PTK7: variants seen among roughly 807,000 people sequenced by gnomAD.
The protein encoded by PTK7 is inactive tyrosine-protein kinase 7.
A neutral mutation model predicts 116.6 loss-of-function variants in PTK7; 39 were observed. That is an observed-to-expected ratio of 0.33 (90% confidence interval 0.26 to 0.44). The LOEUF (loss-of-function observed/expected upper bound fraction) is 0.44, where lower values mean the gene tolerates loss of function less well. PTK7 is among the 20% of genes least tolerant of loss of function. The pLI is 1.00. For missense variants in PTK7, 1,169 were observed against 1,425.6 expected (o/e 0.82, Z 2.90); for synonymous variants, 546 against 563.6 (o/e 0.97, Z 0.44).
At chr6:43,154,132 C>T (rs1285767022) in intron 17 of PTK7, among the ~76,000 whole-genome samples, 3 of 151,978 alleles carry the variant, frequency 2.0e-5, no homozygotes, top group East Asian at 3.9e-4. Flanking sequence ...CACTGCACTC[C>T]AGCCTGGGTG....
intron 1 of PTK7, among the ~76,000 whole-genome samples, chr6:43,123,732 G>A (rs577977341): frequency 6.6e-6 from 1 of 152,294 alleles, no homozygotes; most frequent in South Asian, 2.1e-4. Context: ...CGGCTTTGTT[G>A]GGGTCGGCGC....
intron 1 of PTK7, among the ~76,000 whole-genome samples, chr6:43,097,707 G>C (rs529896680): frequency 9.2e-5 from 14 of 152,326 alleles, no homozygotes; most frequent in Admixed American, 8.5e-4. Context: ...AATATGCCGA[G>C]ATGGCCAGAT....
At chr6:43,142,599 G>A (rs1174290124) in intron 13 of PTK7, 1 of 471,618 alleles carries the variant, frequency 2.1e-6, no homozygotes, top group Non-Finnish European at 4.0e-6. Flanking sequence ...ATCTCTGGGT[G>A]GCTGGGGAGG....
intron 1 of PTK7, among the ~76,000 whole-genome samples, chr6:43,120,084 G>T (rs1768869902): frequency 6.6e-6 from 1 of 152,146 alleles, no homozygotes; most frequent in Admixed American, 6.6e-5. Context: ...GGCTGATAAA[G>T]CGTTACTAAA....
chr6:43,141,831 AG>A lies in PTK7; in HGVS notation c.1768+17del. 6.2e-7 allele frequency: 1 copy of A among 1,612,078 alleles called. No individual in the cohort carries two copies. Among genetic ancestry groups the A allele is most frequent in the Non-Finnish European group, 8.5e-7 (1 of 1,178,970 alleles). On this transcript the variant is annotated intron_variant, in intron 11 of 19. Coordinates refer to ENST00000230419, the MANE Select transcript of PTK7 (RefSeq NM_002821.5). The surrounding 1 kb of genome is among the most constrained non-coding windows in gnomAD (Gnocchi z 4.9). ...TCACTGTGGCAGGTGCGACCGTGGC[AG>A]GGCCCTGGGGCTGGGAGGGCCCTCT...
At chr6:43,091,241 A>G (rs924203426) in intron 1 of PTK7, among the ~76,000 whole-genome samples, 1 of 150,668 alleles carries the variant, frequency 6.6e-6, no homozygotes. Context: ...GCTCACTGCA[A>G]TCTCTGTCTC....
At chr6:43,094,542 G>A (rs1236521994) in intron 1 of PTK7, among the ~76,000 whole-genome samples, 3 of 150,988 alleles carry the variant, frequency 2.0e-5, no homozygotes, top group African/African-American at 7.3e-5. Flanking sequence ...TCGGCTCACT[G>A]CAAGCTCCGC....
chr6:43,096,552 A>C (rs1377679623), intron 1 of PTK7, among the ~76,000 whole-genome samples: 2 of 152,212 alleles, frequency 1.3e-5, no homozygotes, highest in Non-Finnish European at 2.9e-5. Context: ...TCCTGCTCAC[A>C]CTTTCCTCTG....
In PTK7 at chr6:43,141,906, G is replaced by A. The variant is rs779591929; in HGVS notation, c.1769-25G>A. The A allele has an allele frequency of 1.9e-6, 3 of 1,595,222 alleles. No homozygotes were observed. Among genetic ancestry groups the A allele is most frequent in the South Asian group, 1.1e-5 (1 of 89,706 alleles). On this transcript the variant is annotated intron_variant, in intron 11 of 19. Coordinates refer to ENST00000230419, the MANE Select transcript of PTK7 (RefSeq NM_002821.5). The surrounding 1 kb of genome is among the most constrained non-coding windows in gnomAD (Gnocchi z 4.9). ...AGCCCCTTGGCTTACCCCTCCCTGC[G>A]CCTCGCTGGTCTCTTTTCTTCCAGT...
intron 1 of PTK7, among the ~76,000 whole-genome samples, chr6:43,102,607 A>AT: frequency 6.6e-6 from 1 of 151,970 alleles, no homozygotes; most frequent in East Asian, 1.9e-4. Context: ...CACCAAAAAA[A>AT]AACCAAAAAA....
chr6:43,139,403 C>A lies in PTK7; in HGVS notation c.1499-3C>A. On this transcript the variant is annotated splice_region_variant and splice_polypyrimidine_tract_variant and intron_variant, in intron 9 of 19. Coordinates refer to ENST00000230419, the MANE Select transcript of PTK7 (RefSeq NM_002821.5). The surrounding 1 kb of genome is among the most constrained non-coding windows in gnomAD (Gnocchi z 4.6). ...TCTTTCTACCCACCCTCTGCTGAAA[C>A]AGAAAAGCTCAAGTTCACACCACCA... The A allele has an allele frequency of 6.2e-7, 1 of 1,614,210 alleles. No homozygotes were observed. The highest frequency in any genetic ancestry group is 8.5e-7 in the Non-Finnish European group (1 of 1,180,034).
At chr6:43,130,732 T>C (rs911022519) in intron 5 of PTK7, 71 bp downstream of exon 5, 2 of 1,549,380 alleles carry the variant, frequency 1.3e-6, no homozygotes, top group African/African-American at 2.7e-5. Context: ...GGGGGTGCGA[T>C]TTGTATCACA....
intron 7 of PTK7, among the ~76,000 whole-genome samples, chr6:43,134,239 A>T (rs1244721266): frequency 1.3e-5 from 2 of 152,028 alleles, no homozygotes; most frequent in African/African-American, 4.8e-5. Flanking sequence ...ATGTTTTACC[A>T]TGTTGGCCAG....
chr6:43,112,472 C>T (rs1432539427), intron 1 of PTK7, among the ~76,000 whole-genome samples: 1 of 151,992 alleles, frequency 6.6e-6, no homozygotes, highest in Non-Finnish European at 1.5e-5. Flanking sequence ...ATCTGTCTGC[C>T]AGGGCCCGGG....
chr6:43,136,612 C>G (rs1035931041), intron 7 of PTK7, among the ~76,000 whole-genome samples: 2 of 152,120 alleles, frequency 1.3e-5, no homozygotes. Flanking sequence ...CACCTGGCAG[C>G]TGGGTTCCGA....
At chr6:43,103,105 A>G (rs987095578) in intron 1 of PTK7, among the ~76,000 whole-genome samples, 12 of 152,278 alleles carry the variant, frequency 7.9e-5, no homozygotes, top group African/African-American at 2.7e-4. Context: ...TTTGCTGCTT[A>G]TCAGCAAGTA....
intron 1 of PTK7, among the ~76,000 whole-genome samples, chr6:43,108,306 G>T (rs1185928442): frequency 1.3e-5 from 2 of 151,082 alleles, no homozygotes; most frequent in African/African-American, 2.4e-5. Flanking sequence ...TGCTGTCCAG[G>T]CTGGTCACAA....
chr6:43,132,264 C>A lies in PTK7; in HGVS notation c.961+100C>A. 6 of 1,510,954 alleles carry A rather than the reference C, an allele frequency of 4.0e-6. No individual in the cohort carries two copies. In the South Asian group the frequency reaches 7.8e-5, roughly 20 times the overall value. The allele number at this position is 1,510,954 out of a possible 1,614,324, so 93.6% of individuals were successfully genotyped here. On this transcript the variant is annotated intron_variant, in intron 6 of 19. Coordinates refer to ENST00000230419, the MANE Select transcript of PTK7 (RefSeq NM_002821.5). ...TGTTTTTACTCAGCCGCTTGGAGGG[C>A]AGGGGAAGAAAAGGATGCTGGGAGT...
At position 43,141,431 on chromosome 6, in the gene PTK7, C is replaced by A. The variant is rs570220206; in HGVS notation, c.1619-237C>A. ...GGCCGATCTGGGCCCAAACAGAGTC[C>A]GGTTTGGCAGACGTGGAATGTCACA... On this transcript the variant is annotated intron_variant, in intron 10 of 19. Transcript: ENST00000230419. This position sits in a 1 kb window ranked among gnomAD's most constrained non-coding sequence, Gnocchi z 4.9. 2.3e-4 allele frequency among the ~76,000 whole-genome samples: 35 copies of A among 152,026 alleles called. No individual in the cohort carries two copies. Among genetic ancestry groups the A allele is most frequent in the African/African-American group, 8.2e-4 (34 of 41,380 alleles).
Sources: gnomAD v4.1 joint callset for allele counts (sites outside exome capture counted in the v4.1 genomes callset) on GRCh38, gnomAD v4.1.1 for gene constraint, Gnocchi (gnomAD v3.1) non-coding constraint, MANE v1.5 for transcripts, NCBI Gene and HGNC (gene_info 2026-07-23, HGNC 2026-07-21) for gene names.